The following MLIP variants were observed in gnomAD, a reference collection of about 807,000 sequenced individuals.
MLIP encodes the protein muscular LMNA interacting protein, also known as muscular LMNA-interacting protein.
In MLIP, 79 loss-of-function variants were observed where a neutral mutation model predicts 84.8. The ratio of observed to expected loss-of-function variants is 0.93; its 90% CI spans 0.78 to 1.12. The LOEUF is 1.12. MLIP is among the 50% of genes most tolerant of loss of function. The pLI is 0.00. For synonymous variants in MLIP, 504 were observed against 463.0 expected (o/e 1.09, Z -1.14); for missense variants, 1,257 against 1,160.6 (o/e 1.08, Z -1.21).
At chr6:54,019,842 A>T (rs1338457211) in intron 1 of MLIP, among the ~76,000 whole-genome samples, 1 of 152,208 alleles carries the variant, frequency 6.6e-6, no homozygotes, top group Non-Finnish European at 1.5e-5. Context: ...TTCTAGATGT[A>T]TGAAGTTGAG....
intron 9 of MLIP, among the ~76,000 whole-genome samples, chr6:54,181,019 T>G (rs1416631958): frequency 6.6e-6 from 1 of 152,150 alleles, no homozygotes; most frequent in Admixed American, 6.5e-5. Flanking sequence ...CTTCCCTTAC[T>G]TTCTCTCAGA....
intron 3 of MLIP, among the ~76,000 whole-genome samples, chr6:54,130,652 A>T (rs1163260144): frequency 6.6e-6 from 1 of 152,160 alleles, no homozygotes; most frequent in Admixed American, 6.5e-5. Context: ...GTGTATGTGC[A>T]TGCTCAGAAA....
chr6:54,093,407 T>G (rs550026771), intron 1 of MLIP, among the ~76,000 whole-genome samples: 24 of 152,030 alleles, frequency 1.6e-4, no homozygotes, highest in Admixed American at 8.5e-4. Flanking sequence ...TTTTATCTAA[T>G]TCGTTTTTTA....
chr6:54,204,591 A>T, intron 11 of MLIP, among the ~76,000 whole-genome samples: 1 of 152,192 alleles, frequency 6.6e-6, no homozygotes, highest in East Asian at 1.9e-4. Context: ...TTTTACTTCA[A>T]GCAAGACTCC....
rs1378718032 is a variant in MLIP, at chr6:54,174,421, T to C, written c.2544+4849T>C. On this transcript the variant is annotated intron_variant, in intron 9 of 13. Coordinates refer to ENST00000502396, the MANE Select transcript of MLIP (RefSeq NM_001281747.2). ...TGCTCATAAGCTTTCTTATTGCCTG[T>C]CTTTTGGATTAAACCCATTTTAACT... 2.0e-5 allele frequency among the ~76,000 whole-genome samples: 3 copies of C among 151,920 alleles called. No individual in the cohort carries two copies. The East Asian group carries it at 5.8e-4, about 29-fold the overall frequency.
intron 9 of MLIP, among the ~76,000 whole-genome samples, chr6:54,187,602 T>C (rs1231220796): frequency 6.6e-6 from 1 of 152,146 alleles, no homozygotes; most frequent in Admixed American, 6.6e-5. Context: ...AAAAATAAGT[T>C]AACTATCAGG....
At chr6:54,055,139 G>A (rs1460610286) in intron 1 of MLIP, among the ~76,000 whole-genome samples, 1 of 152,086 alleles carries the variant, frequency 6.6e-6, no homozygotes, top group Non-Finnish European at 1.5e-5. Context: ...GCCTGTCTCG[G>A]CCTCCCAAAG....
Position 54,100,857 on chromosome 6 carries a change from C to A in MLIP, c.64-20590C>A, listed in dbSNP as rs2150388784. Among the ~76,000 whole-genome samples, 4 of 152,198 alleles carry A rather than the reference C, an allele frequency of 2.6e-5. No individual in the cohort carries two copies. The Middle Eastern group carries it at 0.014, about 518-fold the overall frequency. On this transcript the variant is annotated intron_variant, in intron 1 of 12. Transcript: ENST00000274897. ...CTCCCAGACTGTGAAAACACATTGG[C>A]AAACTGTAGACATCAGCTGGTTTGT...
chr6:54,260,832 A>C (rs1261782791), intron 13 of MLIP, among the ~76,000 whole-genome samples: 1 of 151,968 alleles, frequency 6.6e-6, no homozygotes, highest in African/African-American at 2.4e-5. Context: ...GAAATTGCTT[A>C]GGATGGGGCT....
chr6:54,183,647 TA>T (rs11316145), intron 9 of MLIP, among the ~76,000 whole-genome samples: 129,753 of 151,534 alleles, frequency 0.86, 56,477 homozygotes, highest in Non-Finnish European at 0.94. Flanking sequence ...GAATCAAACT[TA>T]AAAAAATTTC....
chr6:54,080,311 T>C (rs2150356202), intron 1 of MLIP, among the ~76,000 whole-genome samples: 1 of 152,182 alleles, frequency 6.6e-6, no homozygotes, highest in African/African-American at 2.4e-5. Flanking sequence ...TCTCAGACTT[T>C]CTCAAACAAA....
At chr6:54,099,162 T>C (rs1276026529) in intron 1 of MLIP, among the ~76,000 whole-genome samples, 1 of 152,164 alleles carries the variant, frequency 6.6e-6, no homozygotes, top group Non-Finnish European at 1.5e-5. Flanking sequence ...GTTTGTTGTA[T>C]ATTTCCCATG....
chr6:54,125,289 C>G (rs1361435303), intron 3 of MLIP, among the ~76,000 whole-genome samples: 1 of 151,846 alleles, frequency 6.6e-6, no homozygotes, highest in Non-Finnish European at 1.5e-5. Flanking sequence ...AGAGGTAGAC[C>G]CATTGATTTT....
In MLIP at chr6:54,137,648, C is replaced by T. The variant is rs1482784171; in HGVS notation, c.1579C>T (p.Pro527Ser). 1 of 1,536,102 alleles carries T rather than the reference C, an allele frequency of 6.5e-7. No individual in the cohort carries two copies. Residue 527 changes from proline to serine, a missense_variant, in exon 4 of 14, where the codon CCA becomes TCA. Transcript: ENST00000502396. ...TGCTTCCATGAATGTAGAGAGAACA[C>T]CATCACCTACTTTGAAGAGCAATAC... ...SLASMNVERT[P>S]SPTLKSNTML... is the part of the protein sequence containing the mutation.
At chr6:54,111,111 C>T (rs960188770), upstream of MLIP, among the ~76,000 whole-genome samples, 1 of 152,236 alleles carries the variant, frequency 6.6e-6, no homozygotes, top group African/African-American at 2.4e-5. Flanking sequence ...GCCCTTCAAT[C>T]AGCTTCTCAT....
At chr6:54,072,553 A>G (rs1766551897) in intron 1 of MLIP, among the ~76,000 whole-genome samples, 1 of 152,160 alleles carries the variant, frequency 6.6e-6, no homozygotes, top group South Asian at 2.1e-4. Flanking sequence ...TGACACTATT[A>G]TAGTTCTGGC....
At chr6:54,216,149 G>T (rs1779839966) in intron 11 of MLIP, 3 of 985,012 alleles carry the variant, frequency 3.0e-6, no homozygotes, top group Non-Finnish European at 3.6e-6. Flanking sequence ...ACTATCAAAG[G>T]GCTCTAAAGA....
intron 10 of MLIP, among the ~76,000 whole-genome samples, chr6:54,200,164 A>C (rs1227043684): frequency 1.3e-5 from 2 of 152,166 alleles, no homozygotes; most frequent in Admixed American, 6.5e-5. Context: ...CCTGGAAAGG[A>C]CTGATCCCAA....
intron 5 of MLIP, among the ~76,000 whole-genome samples, chr6:54,158,892 G>A (rs1774326066): frequency 1.3e-5 from 2 of 151,900 alleles, no homozygotes; most frequent in Admixed American, 6.6e-5. Flanking sequence ...AATTTTCAAA[G>A]GGAAATGACA....
Sources: gnomAD v4.1 joint callset for allele counts (sites outside exome capture counted in the v4.1 genomes callset) on GRCh38, gnomAD v4.1.1 for gene constraint, MANE v1.5 for transcripts, NCBI Gene and HGNC (gene_info 2026-07-23, HGNC 2026-07-21) for gene names.